The following PHETA2 variants were observed in gnomAD, a reference collection of about 807,000 sequenced individuals.
PHETA2 encodes PH domain containing endocytic trafficking adaptor 2.
For synonymous variants in PHETA2, 133 were observed against 142.9 expected (o/e 0.93, Z 0.50); for missense variants, 321 against 341.3 (o/e 0.94, Z 0.47).
Position 42,077,315 on chromosome 22 carries a change from G to A in PHETA2, c.22G>A (p.Val8Ile), listed in dbSNP as rs1210035445. ...AGCCATGAAGCTGAACGAGAGGAGT[G>A]TAGCCCACTATGCACTCAGCGACTC... MKLNERS[V>I]AHYALSDSPA... Residue 8 changes from valine (V) to isoleucine (I), a missense_variant, in exon 3 of 3, where the codon GTA becomes ATA. Transcript: ENST00000321753. 4 of 1,538,540 alleles carry A rather than the reference G, an allele frequency of 2.6e-6. No individual in the cohort carries two copies. Among genetic ancestry groups the A allele is most frequent in the Non-Finnish European group, 3.5e-6 (4 of 1,143,300 alleles).
At position 42,077,505 on chromosome 22, in the gene PHETA2, G is replaced by T; in HGVS notation, c.212G>T (p.Gly71Val). 1 of 1,614,162 alleles carries T rather than the reference G, an allele frequency of 6.2e-7. No individual in the cohort carries two copies. Residue 71 changes from glycine to valine, a missense_variant, in exon 3 of 3, where the codon GGC becomes GTC. By Grantham distance (109) the Gly-to-Val change is moderately radical. Transcript: ENST00000321753. Reference sequence around the variant, plus strand: ...CCACTGAGCCTGGTGGTGCTGGAAGGCTGCACAGTGGAACTGGCCGAGGCT... The same window carrying T: ...CCACTGAGCCTGGTGGTGCTGGAAGTCTGCACAGTGGAACTGGCCGAGGCT... The part of the protein sequence containing the change: ...RAPLSLVVLE[G>V]CTVELAEAPV...
Position 42,077,563 on chromosome 22 carries a change from C to T in PHETA2, c.270C>T (p.Cys90=). The change falls in exon 3 of 3, where the codon TGC becomes TGT. Residue 90 remains cysteine (C), a synonymous_variant. Transcript: ENST00000321753. ...PVPEEFAFAI[C]FDAPGVRPHL... is the part of the protein sequence containing the mutation. ...CCGAGGAGTTTGCCTTTGCCATCTG[C>T]TTTGATGCCCCTGGAGTGCGCCCAC... The T allele has an allele frequency of 6.2e-7, 1 of 1,614,144 alleles. No homozygotes were observed. Among genetic ancestry groups the T allele is most frequent in the East Asian group, 2.2e-5 (1 of 44,884 alleles).
In PHETA2 at chr22:42,077,963, T is replaced by A. The variant is rs747670639; in HGVS notation, c.670T>A (p.Phe224Ile). 6.2e-7 allele frequency: 1 copy of A among 1,611,646 alleles called. No homozygotes were observed. Among genetic ancestry groups the A allele is most frequent in the Non-Finnish European group, 8.5e-7 (1 of 1,178,990 alleles). ...CCCTGTGTCCCCTGAGACCTCCTGC[T>A]TCTCTACCCTGCATGACTGGTATGG... is the stretch of plus-strand genomic sequence containing the variant. ...QSPVSPETSCFSTLHDWYGQE... is the reference protein window; with the variant it reads ...QSPVSPETSCISTLHDWYGQE... The change falls in exon 3 of 3, where the codon TTC (phenylalanine) becomes ATC (isoleucine). Residue 224 changes from phenylalanine (F) to isoleucine (I), a missense_variant. Phe to Ile is a conservative substitution (Grantham distance 21). Coordinates refer to ENST00000321753, the MANE Select transcript of PHETA2 (RefSeq NM_001002034.3).
At position 42,078,225 on chromosome 22, in the gene PHETA2, TG is replaced by T. The variant is rs1207773605; in HGVS notation, c.*154del. 2.4e-6 allele frequency: 2 copies of T among 833,762 alleles called. No homozygotes were observed. Among genetic ancestry groups the T allele is most frequent in the East Asian group, 2.8e-5 (1 of 35,868 alleles). 51.6% of individuals were successfully genotyped at this position (833,762 alleles called of 1,614,324 possible). A position where few individuals can be genotyped will look rare whatever the true frequency, so the allele number is the denominator to read the frequency against. On this transcript the variant is annotated 3_prime_UTR_variant, in exon 3 of 3. Transcript: ENST00000321753. ...CAGGTTCGAGATCCACCCGTGTGTC[TG>T]GAAGGGACTGCGGGACCATTCCTTC...
In PHETA2 at chr22:42,078,071, TAAG is replaced by T; in HGVS notation, c.779_*1del. 1 of 1,567,900 alleles carries T rather than the reference TAAG, an allele frequency of 6.4e-7. No homozygotes were observed. The highest frequency in any genetic ancestry group is 8.6e-7 in the Non-Finnish European group (1 of 1,157,818). ...AAAATGTGAGGAACAGGATAGGCCC[TAAG>T]TCTGGGCCCTTTGAGTCAGGAAACC... On this transcript the variant is annotated stop_lost and 3_prime_UTR_variant, in exon 3 of 3. Transcript: ENST00000321753.
At position 42,079,107 on chromosome 22, in the gene PHETA2, C is replaced by G. The variant is rs1927498441; in HGVS notation, c.*1034C>G. On this transcript the variant is annotated 3_prime_UTR_variant, in exon 3 of 3. Transcript: ENST00000321753. ...AGCGGCTGGGTCACCAGAGCCTGAC[C>G]ATACTGACGCTCCAGGGGGAAGACG... The G allele has an allele frequency of 6.0e-6, 1 of 167,222 alleles. No homozygotes were observed. Among genetic ancestry groups the G allele is most frequent in the Non-Finnish European group, 1.5e-5 (1 of 68,190 alleles). The allele number at this position is 167,222 out of a possible 1,614,324, so 10.4% of individuals were successfully genotyped here.
chr22:42,076,747 T>C (rs571052159), intron 2 of PHETA2, among the ~76,000 whole-genome samples: 1 of 152,268 alleles, frequency 6.6e-6, no homozygotes, highest in Non-Finnish European at 1.5e-5. Context: ...TTACTCTCGC[T>C]CAAGTAAACT....
chr22:42,079,174 T>G lies in PHETA2; in HGVS notation c.*1101T>G, dbSNP rs964725558. The G allele has an allele frequency of 1.8e-5, 3 of 167,334 alleles. No individual in the cohort carries two copies. Among genetic ancestry groups the G allele is most frequent in the African/African-American group, 7.2e-5 (3 of 41,438 alleles). 10.4% of individuals were successfully genotyped at this position (167,334 alleles called of 1,614,324 possible). A position where few individuals can be genotyped will look rare whatever the true frequency, so the allele number is the denominator to read the frequency against. Reference sequence around the variant, plus strand: ...ACACCCCCTCCCAAACACATAAAACTTGCCCCTTCCTAGCCTCGGCTCCCC... The same window carrying G: ...ACACCCCCTCCCAAACACATAAAACGTGCCCCTTCCTAGCCTCGGCTCCCC... On this transcript the variant is annotated 3_prime_UTR_variant, in exon 3 of 3. Transcript: ENST00000321753.
Position 42,075,492 on chromosome 22 carries a change from G to A in PHETA2, c.-96-79G>A, listed in dbSNP as rs1336061518. ...GGAAGGCTTCCCGGTGGAGGCTGTG[G>A]TTTCATTAGGCCTCGAAGGTGGAGT... On this transcript the variant is annotated intron_variant, in intron 1 of 2. Coordinates refer to ENST00000321753, the MANE Select transcript of PHETA2 (RefSeq NM_001002034.3). This position sits in a 1 kb window ranked among gnomAD's most constrained non-coding sequence, Gnocchi z 4.8. The A allele has an allele frequency of 2.0e-5, 3 of 152,350 alleles. No individual in the cohort carries two copies. Among genetic ancestry groups the A allele is most frequent in the East Asian group, 3.9e-4 (2 of 5,194 alleles). 9.4% of individuals were successfully genotyped at this position (152,350 alleles called of 1,614,324 possible).
In PHETA2 at chr22:42,078,802, C is replaced by T. The variant is rs1927473732; in HGVS notation, c.*729C>T. The T allele has an allele frequency of 6.0e-6, 1 of 167,274 alleles. No individual in the cohort carries two copies. Among genetic ancestry groups the T allele is most frequent in the African/African-American group, 2.4e-5 (1 of 41,440 alleles). 10.4% of individuals were successfully genotyped at this position (167,274 alleles called of 1,614,324 possible). A position where few individuals can be genotyped will look rare whatever the true frequency, so the allele number is the denominator to read the frequency against. ...GAAATGCCCTCCTGTACTCTGTCTTCAGCAGCCAACTCCTGGAGCTGCCAA... is the reference window on the plus strand; with the variant it reads ...GAAATGCCCTCCTGTACTCTGTCTTTAGCAGCCAACTCCTGGAGCTGCCAA... On this transcript the variant is annotated 3_prime_UTR_variant, in exon 3 of 3. Coordinates refer to ENST00000321753, the MANE Select transcript of PHETA2 (RefSeq NM_001002034.3).
Position 42,077,946 on chromosome 22 carries a change from C to T in PHETA2, c.653C>T (p.Ser218Phe). The T allele has an allele frequency of 6.2e-7, 1 of 1,612,024 alleles. No homozygotes were observed. Among genetic ancestry groups the T allele is most frequent in the East Asian group, 2.2e-5 (1 of 44,814 alleles). ...CTAGGCAAGGGGCAGAGCCCTGTGT[C>T]CCCTGAGACCTCCTGCTTCTCTACC... ...LLLGKGQSPV[S>F]PETSCFSTLH... is the part of the protein sequence containing the mutation. Residue 218 changes from serine (S) to phenylalanine (F), a missense_variant, in exon 3 of 3, where the codon TCC becomes TTC. Physicochemically the swap from Ser to Phe is radical, Grantham distance 155. Transcript: ENST00000321753.
chr22:42,076,934 G>A (rs753016882), intron 2 of PHETA2, among the ~76,000 whole-genome samples: 2 of 152,072 alleles, frequency 1.3e-5, no homozygotes, highest in Non-Finnish European at 2.9e-5. Flanking sequence ...CAGTGGTTTC[G>A]ATGGGTCTGG....
At position 42,075,384 on chromosome 22, in the gene PHETA2, G is replaced by C. The variant is rs960924777; in HGVS notation, c.-96-187G>C. ...AGGGAGCTGGGGTCTGAAGAGTAAA[G>C]GTCAAGACAAGGGGACCCATCCCCT... On this transcript the variant is annotated intron_variant, in intron 1 of 2. Transcript: ENST00000321753. The surrounding 1 kb of genome is among the most constrained non-coding windows in gnomAD (Gnocchi z 4.8). Among the ~76,000 whole-genome samples the C allele has an allele frequency of 6.6e-6, 1 of 152,170 alleles. No individual in the cohort carries two copies. Among genetic ancestry groups the C allele is most frequent in the Non-Finnish European group, 1.5e-5 (1 of 68,026 alleles).
chr22:42,076,258 T>G (rs1927277353), intron 2 of PHETA2: 1 of 167,678 alleles, frequency 6.0e-6, no homozygotes, highest in African/African-American at 2.4e-5. Context: ...GTTCATACCC[T>G]ATAGTTCAAC....
In PHETA2 at chr22:42,079,305, G is replaced by T. The variant is rs939288068; in HGVS notation, c.*1232G>T. 17 of 170,792 alleles carry T rather than the reference G, an allele frequency of 1.0e-4. No homozygotes were observed. In the South Asian group the frequency reaches 1.1e-3, roughly 11 times the overall value. The allele number at this position is 170,792 out of a possible 1,614,324, so 10.6% of individuals were successfully genotyped here. A position where few individuals can be genotyped will look rare whatever the true frequency, so the allele number is the denominator to read the frequency against. ...GGAGATGCGCCCAAGGCGGGCGCCC[G>T]GCCTGTTCCCCAGCCCTGCCTGGAA... On this transcript the variant is annotated 3_prime_UTR_variant, in exon 3 of 3. Coordinates refer to ENST00000321753, the MANE Select transcript of PHETA2 (RefSeq NM_001002034.3).
rs1927425062 is a variant in PHETA2 at position 42,078,317 on chromosome 22, A to G, written c.*244A>G. 2.0e-6 allele frequency: 1 copy of G among 504,750 alleles called. No individual in the cohort carries two copies. Among genetic ancestry groups the G allele is most frequent in the Non-Finnish European group, 3.6e-6 (1 of 280,958 alleles). 31.3% of individuals were successfully genotyped at this position (504,750 alleles called of 1,614,324 possible). On this transcript the variant is annotated 3_prime_UTR_variant, in exon 3 of 3. Transcript: ENST00000321753. ...TTAGCAGCCACAGAGCAAGACCCCA[A>G]TCTCCTGACTGCACTGGCCTGACTG...
intron 2 of PHETA2, 66 bp from the exon 3 acceptor site, chr22:42,077,214 C>T (rs745872621): frequency 1.8e-5 from 26 of 1,458,986 alleles, no homozygotes; most frequent in Non-Finnish European, 2.4e-5. Flanking sequence ...GGAGCCGGTG[C>T]TGTTCCCCAG....
intron 2 of PHETA2, among the ~76,000 whole-genome samples, chr22:42,077,020 T>C (rs973767158): frequency 6.6e-6 from 1 of 152,206 alleles, no homozygotes; most frequent in Non-Finnish European, 1.5e-5. Flanking sequence ...ATGCCTCCTG[T>C]CTGATGCAAT....
In PHETA2 at chr22:42,077,399, C is replaced by G. The variant is rs750142577; in HGVS notation, c.106C>G (p.Pro36Ala). The G allele has an allele frequency of 4.3e-6, 7 of 1,610,830 alleles. No homozygotes were observed. The highest frequency in any genetic ancestry group is 3.3e-5 in the Admixed American group (2 of 59,846). ...GGGGGGCCCAGGGACCCCACCGACCCCCAGTGGCACTGGCCGAAGATGCTG... is the reference window on the plus strand; with the variant it reads ...GGGGGGCCCAGGGACCCCACCGACCGCCAGTGGCACTGGCCGAAGATGCTG... ...TWGGPGTPPT[P>A]SGTGRRCWFV... The change falls in exon 3 of 3, where the codon CCC becomes GCC. Residue 36 changes from proline to alanine, a missense_variant. Physicochemically the swap from Pro to Ala is conservative, Grantham distance 27. Transcript: ENST00000321753.
Sources: allele counts gnomAD v4.1 joint callset (sites outside exome capture counted in the v4.1 genomes callset), GRCh38; gene constraint gnomAD v4.1.1; non-coding constraint Gnocchi (gnomAD v3.1); transcripts MANE v1.5; gene names NCBI Gene and HGNC (gene_info 2026-07-23, HGNC 2026-07-21).